The following TMEM59 variants were observed in gnomAD, a reference collection of about 807,000 sequenced individuals.
TMEM59 encodes the protein transmembrane protein 59, also known as dendritic cell factor 1.
Under a neutral mutation model 42.2 loss-of-function variants are expected in TMEM59, and 44 were observed. The ratio of observed to expected loss-of-function variants is 1.04; its 90% CI spans 0.82 to 1.34. TMEM59 has a LOEUF of 1.34. Ranked by LOEUF, TMEM59 falls within the 40% of genes most tolerant of loss-of-function variation. The pLI is 0.00. For synonymous variants in TMEM59, 148 were observed against 145.8 expected, an observed-to-expected ratio of 1.02 and a Z score of -0.11; for missense variants, 359 against 382.8, an observed-to-expected ratio of 0.94 and a Z score of 0.52.
Position 54,026,900 on chromosome 1 carries a change from A to C in TMEM59, c.*5250T>G, listed in dbSNP as rs1484775343. Reference sequence around the variant, plus strand: ...GTTCTAACACTGCAAAAACCATTCAAGCATAAAAAAGCATGCAAGAGGCAG... The same window carrying C: ...GTTCTAACACTGCAAAAACCATTCACGCATAAAAAAGCATGCAAGAGGCAG... On this transcript the variant is annotated 3_prime_UTR_variant, in exon 8 of 8. Coordinates refer to ENST00000234831, the MANE Select transcript of TMEM59 (RefSeq NM_004872.5). The C allele has an allele frequency of 6.6e-6, 1 of 152,228 alleles. No homozygotes were observed. Among genetic ancestry groups the C allele is most frequent in the South Asian group, 2.1e-4 (1 of 4,830 alleles). The allele number at this position is 152,228 out of a possible 1,614,324, so 9.4% of individuals were successfully genotyped here.
In TMEM59 at chr1:54,031,218, T is replaced by A. The variant is rs967011091; in HGVS notation, c.*932A>T. 7 of 152,158 alleles carry A rather than the reference T, an allele frequency of 4.6e-5. No homozygotes were observed. Among genetic ancestry groups the A allele is most frequent in the African/African-American group, 1.4e-4 (6 of 41,422 alleles). 9.4% of individuals were successfully genotyped at this position (152,158 alleles called of 1,614,324 possible). A position where few individuals can be genotyped will look rare whatever the true frequency, so the allele number is the denominator to read the frequency against. ...GTGAGCCAAGATCATACCATTGCAC[T>A]CCAGCCTCAGCAACAAGAGCAAAAT... is the stretch of plus-strand genomic sequence containing the variant. On this transcript the variant is annotated 3_prime_UTR_variant, in exon 8 of 8. Transcript: ENST00000234831.
rs1656775479 is a variant in TMEM59, at chr1:54,031,897, T to C, written c.*253A>G. On this transcript the variant is annotated 3_prime_UTR_variant, in exon 8 of 8. Transcript: ENST00000234831. ...TAGCTAAGAAAAGGGAAAAAAACAA[T>C]AACCAAAGCAAAAAACAAAATAGCT... is the stretch of plus-strand genomic sequence containing the variant. 2 of 304,996 alleles carry C rather than the reference T, an allele frequency of 6.6e-6. No homozygotes were observed. Among genetic ancestry groups the C allele is most frequent in the Non-Finnish European group, 1.2e-5 (2 of 168,120 alleles). The allele number at this position is 304,996 out of a possible 1,614,324, so 18.9% of individuals were successfully genotyped here.
At chr1:54,037,796 A>T (rs979246617) in intron 6 of TMEM59, among the ~76,000 whole-genome samples, 1 of 152,202 alleles carries the variant, frequency 6.6e-6, no homozygotes, top group Non-Finnish European at 1.5e-5. Flanking sequence ...CAATTTAGAA[A>T]GATAATAGAG....
chr1:54,040,898 A>T (rs892257272), intron 5 of TMEM59, 61 bp from the exon 6 acceptor site: 1 of 1,321,112 alleles, frequency 7.6e-7, no homozygotes, highest in African/African-American at 1.5e-5. Flanking sequence ...GTCTCACATG[A>T]CTACTTCTAG....
rs1369704711 is a variant in TMEM59 at position 54,026,822 on chromosome 1, T to G, written c.*5328A>C. ...TTATCAAGAGCTTTTGTTGAAACCT[T>G]TCATTTTCAATCAGGTGCTGATTTT... On this transcript the variant is annotated 3_prime_UTR_variant, in exon 8 of 8. Transcript: ENST00000234831. The G allele has an allele frequency of 6.6e-6, 1 of 152,180 alleles. No homozygotes were observed. Among genetic ancestry groups the G allele is most frequent in the Non-Finnish European group, 1.5e-5 (1 of 68,042 alleles). The allele number at this position is 152,180 out of a possible 1,614,324, so 9.4% of individuals were successfully genotyped here.
chr1:54,028,270 T>C lies in TMEM59; in HGVS notation c.*3880A>G, dbSNP rs1049417433. On this transcript the variant is annotated 3_prime_UTR_variant, in exon 8 of 8. Coordinates refer to ENST00000234831, the MANE Select transcript of TMEM59 (RefSeq NM_004872.5). Reference sequence around the variant, plus strand: ...ATGTGGGGGAGCAGAGAGAGCGTTATAGAGAAAAGTTTAAAAATATAAGTA... The same window carrying C: ...ATGTGGGGGAGCAGAGAGAGCGTTACAGAGAAAAGTTTAAAAATATAAGTA... The C allele has an allele frequency of 6.6e-6, 1 of 152,158 alleles. No individual in the cohort carries two copies. Among genetic ancestry groups the C allele is most frequent in the East Asian group, 1.9e-4 (1 of 5,194 alleles). The allele number at this position is 152,158 out of a possible 1,614,324, so 9.4% of individuals were successfully genotyped here.
chr1:54,044,312 C>CAG (rs1467574382), intron 3 of TMEM59: 37 of 118,636 alleles, frequency 3.1e-4, no homozygotes, highest in African/African-American at 1.1e-3. Flanking sequence ...CACTGCACTC[C>CAG]AGCCTGGCGA....
chr1:54,050,274 C>A (rs1005071013), intron 1 of TMEM59, among the ~76,000 whole-genome samples: 2 of 151,822 alleles, frequency 1.3e-5, no homozygotes, highest in South Asian at 2.1e-4. Context: ...CACAAGCGTG[C>A]GCCATGTTCG....
In TMEM59 at chr1:54,027,867, G is replaced by T. The variant is rs1421657941; in HGVS notation, c.*4283C>A. The stretch of plus-strand genomic sequence containing the variant: ...TGCTCCAGAATTTAATTACCACAAG[G>T]AGTTAGAAAATCCACACTACCATCC... On this transcript the variant is annotated 3_prime_UTR_variant, in exon 8 of 8. Transcript: ENST00000234831. 6.6e-6 allele frequency: 1 copy of T among 152,076 alleles called. No homozygotes were observed. The highest frequency in any genetic ancestry group is 2.4e-5 in the African/African-American group (1 of 41,404). The allele number at this position is 152,076 out of a possible 1,614,324, so 9.4% of individuals were successfully genotyped here.
Position 54,039,318 on chromosome 1 carries a change from A to T in TMEM59, c.707+1438T>A, listed in dbSNP as rs188889954. Among the ~76,000 whole-genome samples the T allele has an allele frequency of 4.5e-3, 683 of 152,340 alleles. 4 individuals are homozygous for T. The highest frequency in any genetic ancestry group is 0.017 in the Middle Eastern group (5 of 294). ...ACATAACATATAATGACAAAATGTT[A>T]AAGGTCAATAAATCACCAATAATAT... On this transcript the variant is annotated intron_variant, in intron 6 of 7. Coordinates refer to ENST00000234831, the MANE Select transcript of TMEM59 (RefSeq NM_004872.5).
rs1656741193 is a variant in TMEM59, at chr1:54,030,732, A to ATC, written c.*1417_*1418insGA. 1 of 152,190 alleles carries ATC rather than the reference A, an allele frequency of 6.6e-6. No homozygotes were observed. Among genetic ancestry groups the ATC allele is most frequent in the Non-Finnish European group, 1.5e-5 (1 of 68,036 alleles). 9.4% of individuals were successfully genotyped at this position (152,190 alleles called of 1,614,324 possible). On this transcript the variant is annotated 3_prime_UTR_variant, in exon 8 of 8. Coordinates refer to ENST00000234831, the MANE Select transcript of TMEM59 (RefSeq NM_004872.5). ...CTATCATCCAAATCTAGACAAACTA[A>ATC]AAATAAAAACCTACACTTTGTGACC...
At chr1:54,041,845 T>C (rs2100316488) in intron 4 of TMEM59, 40 bp from the exon 5 acceptor site, 2 of 1,524,974 alleles carry the variant, frequency 1.3e-6, no homozygotes, top group Admixed American at 3.5e-5. Context: ...TTTGTACTTC[T>C]TTAGCTTTTT....
chr1:54,052,224 C>G (rs372430908), intron 1 of TMEM59, among the ~76,000 whole-genome samples: 5 of 152,038 alleles, frequency 3.3e-5, no homozygotes, highest in East Asian at 3.9e-4. Flanking sequence ...GAAAAACCAA[C>G]GTGAAGAGGG....
rs1327139300 is a variant in TMEM59, at chr1:54,047,386, G to A, written c.190-14C>T. 9 of 1,599,146 alleles carry A rather than the reference G, an allele frequency of 5.6e-6. No homozygotes were observed. The highest frequency in any genetic ancestry group is 7.7e-6 in the Non-Finnish European group (9 of 1,171,066). ...CAACTCCTCTTCCTAGGGAGTTCAA[G>A]AACAGGAAGGGTTACCAAAAAATAG... On this transcript the variant is annotated splice_polypyrimidine_tract_variant and intron_variant, in intron 1 of 7. Transcript: ENST00000234831.
At chr1:54,038,115 T>C (rs1054161411) in intron 6 of TMEM59, among the ~76,000 whole-genome samples, 3 of 152,240 alleles carry the variant, frequency 2.0e-5, no homozygotes, top group Non-Finnish European at 4.4e-5. Context: ...ATCCTTCACA[T>C]AGAAGCCTCT....
chr1:54,034,936 T>G (rs1239454224), intron 7 of TMEM59: 2 of 152,240 alleles, frequency 1.3e-5, no homozygotes, highest in African/African-American at 2.4e-5. Flanking sequence ...TTTAAAGATC[T>G]TGAAGCAGCA....
chr1:54,027,973 G>A lies in TMEM59; in HGVS notation c.*4177C>T, dbSNP rs1191431196. 6.6e-6 allele frequency: 1 copy of A among 152,168 alleles called. No homozygotes were observed. Among genetic ancestry groups the A allele is most frequent in the Non-Finnish European group, 1.5e-5 (1 of 68,054 alleles). The allele number at this position is 152,168 out of a possible 1,614,324, so 9.4% of individuals were successfully genotyped here. A position where few individuals can be genotyped will look rare whatever the true frequency, so the allele number is the denominator to read the frequency against. On this transcript the variant is annotated 3_prime_UTR_variant, in exon 8 of 8. Coordinates refer to ENST00000234831, the MANE Select transcript of TMEM59 (RefSeq NM_004872.5). ...CACCCCCACCCTAGACTCTAGTGTA[G>A]AACAAGTAGTCAAGGAAAGAGAGAT...
rs1300124260 is a variant in TMEM59 at position 54,029,184 on chromosome 1, A to C, written c.*2966T>G. 6.6e-6 allele frequency: 1 copy of C among 152,164 alleles called. No homozygotes were observed. Among genetic ancestry groups the C allele is most frequent in the African/African-American group, 2.4e-5 (1 of 41,428 alleles). The allele number at this position is 152,164 out of a possible 1,614,324, so 9.4% of individuals were successfully genotyped here. A position where few individuals can be genotyped will look rare whatever the true frequency, so the allele number is the denominator to read the frequency against. Reference sequence around the variant, plus strand: ...GATCAGCAGCTCAGATTGCCTCATGATGCACCACAGGGATTTCTGAGATAA... The same window carrying C: ...GATCAGCAGCTCAGATTGCCTCATGCTGCACCACAGGGATTTCTGAGATAA... On this transcript the variant is annotated 3_prime_UTR_variant, in exon 8 of 8. Coordinates refer to ENST00000234831, the MANE Select transcript of TMEM59 (RefSeq NM_004872.5).
At chr1:54,041,831 G>A in intron 4 of TMEM59, 26 bp from the exon 5 acceptor site, 3 of 1,584,260 alleles carry the variant, frequency 1.9e-6, no homozygotes, top group East Asian at 4.5e-5. Context: ...AAGCAATTAA[G>A]TCATTTGTAC....
Sources: gnomAD v4.1 joint callset for allele counts (sites outside exome capture counted in the v4.1 genomes callset) on GRCh38, gnomAD v4.1.1 for gene constraint, MANE v1.5 for transcripts, NCBI Gene and HGNC (gene_info 2026-07-23, HGNC 2026-07-21) for gene names.